The following CD8B2 variants were observed in gnomAD, a reference collection of about 807,000 sequenced individuals.
The protein encoded by CD8B2 is CD8B family member 2.
Under a neutral mutation model 23.7 loss-of-function variants are expected in CD8B2, and 11 were observed. The ratio of observed to expected loss-of-function variants is 0.46; its 90% confidence interval spans 0.29 to 0.77. CD8B2 has a LOEUF of 0.77. Among genes scored for constraint, CD8B2 ranks in the 30% least tolerant of loss-of-function variants. The probability of loss-of-function intolerance (pLI) is 0.09; values close to 1 mark genes in which losing one functional copy is unlikely to be tolerated. For synonymous variants in CD8B2, 90 were observed against 109.3 expected (o/e 0.82, Z 1.10); for missense variants, 197 against 270.5 (o/e 0.73, Z 1.91).
At chr2:106,536,279 G>T (rs1416353292) in intron 5 of CD8B2, among the ~76,000 whole-genome samples, 2 of 152,088 alleles carry the variant, frequency 1.3e-5, no homozygotes, top group African/African-American at 4.8e-5. Flanking sequence ...TGATCCGCCT[G>T]CCTTGGCCTC....
rs893639883 is a variant in CD8B2 at position 106,516,738 on chromosome 2, A to G, written c.620+12413A>G. On this transcript the variant is annotated intron_variant, in intron 5 of 5. Coordinates refer to the CD8B2 transcript ENST00000416057. ...TTTGGAGTGTTTGTATACCACAGCC[A>G]TAAGTTATACCACACATATAACTTG... Among the ~76,000 whole-genome samples, 5 of 152,242 alleles carry G rather than the reference A, an allele frequency of 3.3e-5. No homozygotes were observed. The South Asian group carries it at 6.2e-4, about 19-fold the overall frequency.
intron 5 of CD8B2, chr2:106,522,006 C>G (rs1057324058): frequency 1.3e-5 from 2 of 152,226 alleles, no homozygotes; most frequent in Non-Finnish European, 2.9e-5. Context: ...GACCGCTGCT[C>G]TGATGCGTGG....
intron 5 of CD8B2, among the ~76,000 whole-genome samples, chr2:106,541,400 G>C (rs1680171745): frequency 6.6e-6 from 1 of 152,112 alleles, no homozygotes; most frequent in East Asian, 1.9e-4. Flanking sequence ...GGGCAGTTTT[G>C]CACCCCAGGG....
chr2:106,494,439 C>T (rs549282317), intron 2 of CD8B2, among the ~76,000 whole-genome samples: 5 of 152,146 alleles, frequency 3.3e-5, no homozygotes, highest in East Asian at 3.9e-4. Flanking sequence ...TGAGTCACCG[C>T]GCCCAGCCTT....
At chr2:106,505,503 G>A (rs941410319) in intron 5 of CD8B2, among the ~76,000 whole-genome samples, 1 of 152,150 alleles carries the variant, frequency 6.6e-6, no homozygotes, top group Admixed American at 6.5e-5. Context: ...TATCCTTAAA[G>A]CATGTGGCCC....
At chr2:106,524,605 T>C (rs1053188724) in intron 5 of CD8B2, among the ~76,000 whole-genome samples, 3 of 152,184 alleles carry the variant, frequency 2.0e-5, no homozygotes, top group Admixed American at 6.5e-5. Flanking sequence ...CCGAGGACCA[T>C]AGTTGGAGCA....
chr2:106,538,050 C>T (rs1033226603), intron 5 of CD8B2: 1 of 152,230 alleles, frequency 6.6e-6, no homozygotes. Context: ...GCCTGCGGAC[C>T]TTCAGTGCTC....
At chr2:106,539,611 GT>G (rs1019748723) in intron 5 of CD8B2, among the ~76,000 whole-genome samples, 1 of 152,140 alleles carries the variant, frequency 6.6e-6, no homozygotes, top group African/African-American at 2.4e-5. Flanking sequence ...CTTACAGGAT[GT>G]TTCACACAAA....
At position 106,507,636 on chromosome 2, in the gene CD8B2, C is replaced by T. The variant is rs1353140337; in HGVS notation, c.*696C>T. The stretch of plus-strand genomic sequence containing the variant: ...GTTTTATACAAATGTCTTAGTTGTA[C>T]AAATAAAGTCCCAGGTTAAAGATAA... On this transcript the variant is annotated 3_prime_UTR_variant, in exon 6 of 6. Coordinates refer to ENST00000643224, the MANE Select transcript of CD8B2 (RefSeq NM_001349727.2). 11 of 960,464 alleles carry T rather than the reference C, an allele frequency of 1.1e-5. No individual in the cohort carries two copies. The highest frequency in any genetic ancestry group is 1.4e-5 in the Non-Finnish European group (11 of 807,440). The allele number at this position is 960,464 out of a possible 1,614,324, so 59.5% of individuals were successfully genotyped here.
chr2:106,487,951 T>C (rs1021245264), intron 1 of CD8B2, among the ~76,000 whole-genome samples: 3 of 152,004 alleles, frequency 2.0e-5, no homozygotes, highest in African/African-American at 7.2e-5. Context: ...TAGGGCAGGG[T>C]GATCCCTCTG....
chr2:106,499,589 C>A (rs1023244829), intron 3 of CD8B2, among the ~76,000 whole-genome samples: 3 of 151,550 alleles, frequency 2.0e-5, no homozygotes, highest in Non-Finnish European at 1.5e-5. Context: ...GCAAAGTTCA[C>A]CCATTTTAAG....
In CD8B2 at chr2:106,510,057, A is replaced by T. The variant is rs1184368393; in HGVS notation, c.*3117A>T. 1.3e-5 allele frequency: 2 copies of T among 152,232 alleles called. No individual in the cohort carries two copies. Among genetic ancestry groups the T allele is most frequent in the Non-Finnish European group, 2.9e-5 (2 of 68,042 alleles). 9.4% of individuals were successfully genotyped at this position (152,232 alleles called of 1,614,324 possible). On this transcript the variant is annotated 3_prime_UTR_variant, in exon 6 of 6. Transcript: ENST00000643224. The stretch of plus-strand genomic sequence containing the variant: ...CTGATATCAAATGATGGTCATGACA[A>T]ATGCATATATTTTTAAAACATCTGT...
chr2:106,522,116 C>T (rs1679836082), intron 5 of CD8B2: 1 of 152,212 alleles, frequency 6.6e-6, no homozygotes, highest in Non-Finnish European at 1.5e-5. Flanking sequence ...CCCCGGATCT[C>T]ACTCGCTTGT....
intron 3 of CD8B2, among the ~76,000 whole-genome samples, chr2:106,497,355 A>G (rs1679319151): frequency 6.6e-6 from 1 of 152,196 alleles, no homozygotes; most frequent in Admixed American, 6.5e-5. Flanking sequence ...TTTGTTTGCA[A>G]ATGAACACAT....
At chr2:106,504,692 C>G (rs200709306) in intron 5 of CD8B2, among the ~76,000 whole-genome samples, 4,772 of 152,150 alleles carry the variant, frequency 0.031, 95 homozygotes, top group African/African-American at 0.038. Context: ...TGTATTTCAA[C>G]AACATTCTTA....
chr2:106,499,397 T>C (rs1351697102), intron 3 of CD8B2, among the ~76,000 whole-genome samples: 1 of 152,034 alleles, frequency 6.6e-6, no homozygotes, highest in Non-Finnish European at 1.5e-5. Context: ...CTGGGCATTG[T>C]GGTGGGCACC....
At chr2:106,504,376 C>T (rs144796016) in intron 5 of CD8B2, 51 bp downstream of exon 5, 44,666 of 1,553,834 alleles carry the variant, frequency 0.029, 798 homozygotes, top group African/African-American at 0.04. Flanking sequence ...CCTGCTGCAG[C>T]TTGCAGCCTC....
downstream of CD8B2, among the ~76,000 whole-genome samples, chr2:106,516,063 C>T (rs1679724822): frequency 1.3e-5 from 2 of 151,936 alleles, no homozygotes; most frequent in South Asian, 4.2e-4. Flanking sequence ...CTCCTGACCT[C>T]AGGTAATCCA....
chr2:106,527,593 GC>G lies in CD8B2; in HGVS notation c.621-16397del, dbSNP rs1679924239. Among the ~76,000 whole-genome samples, 3 of 152,152 alleles carry G rather than the reference GC, an allele frequency of 2.0e-5. No homozygotes were observed. The South Asian group carries it at 6.2e-4, about 32-fold the overall frequency. On this transcript the variant is annotated intron_variant, in intron 5 of 5. Transcript: ENST00000416057. Reference sequence around the variant, plus strand: ...CGGCCAGGAGTTCAAGACAAGCCTGGCCAAGATGGTGAAACCCTGTCTCTAC... The same window carrying G: ...CGGCCAGGAGTTCAAGACAAGCCTGGCAAGATGGTGAAACCCTGTCTCTAC...
Sources: allele counts gnomAD v4.1 joint callset (sites outside exome capture counted in the v4.1 genomes callset), GRCh38; gene constraint gnomAD v4.1.1; transcripts MANE v1.5; gene names NCBI Gene and HGNC (gene_info 2026-07-23, HGNC 2026-07-21).